ADAM28: variants seen among roughly 807,000 people sequenced by gnomAD.
The protein encoded by ADAM28 is disintegrin and metalloproteinase domain-containing protein 28.
ADAM28 carries 105 observed loss-of-function variants against 101.2 expected under a neutral mutation model. That is an observed-to-expected ratio of 1.04 (90% CI 0.89 to 1.22). The LOEUF is 1.22. Among genes scored for constraint, ADAM28 ranks in the 50% most tolerant of loss-of-function variants. The pLI, the probability that ADAM28 is intolerant of heterozygous loss-of-function variation, is 0.00. For missense variants in ADAM28, 1,028 were observed against 945.4 expected (o/e 1.09, Z -1.15); for synonymous variants, 322 against 310.6 (o/e 1.04, Z -0.39).
intron 6 of ADAM28, 82 bp downstream of exon 6, chr8:24,313,662 T>A (rs1810773394): frequency 4.2e-6 from 6 of 1,412,124 alleles, no homozygotes; most frequent in Non-Finnish European, 5.8e-6. Context: ...TTACTGAAAC[T>A]ATAGTCATTG....
intron 2 of ADAM28, among the ~76,000 whole-genome samples, chr8:24,304,789 C>A (rs977099131): frequency 1.3e-5 from 2 of 151,928 alleles, no homozygotes; most frequent in African/African-American, 4.8e-5. Context: ...TCATTGGAAA[C>A]CTCTAATCCC....
At chr8:24,295,099 C>A (rs2129224969) in intron 1 of ADAM28, among the ~76,000 whole-genome samples, 1 of 152,262 alleles carries the variant, frequency 6.6e-6, no homozygotes, top group African/African-American at 2.4e-5. Flanking sequence ...TGTCCATGCA[C>A]CCTCTTAGTA....
rs189916992 is a variant in ADAM28, at chr8:24,350,845, G to A, written c.2100-387G>A. Among the ~76,000 whole-genome samples the A allele has an allele frequency of 4.0e-3, 575 of 142,894 alleles. 3 individuals are homozygous for A. The highest frequency in any genetic ancestry group is 0.014 in the African/African-American group (531 of 38,292). The allele number at this position is 142,894 out of a possible 152,430, so 93.7% of individuals were successfully genotyped here. A position where few individuals can be genotyped will look rare whatever the true frequency, so the allele number is the denominator to read the frequency against. ...TGGAGGCTGGGTTTGTCTCACGAAC[G>A]TGATTCTGGCACAACGGTGTTTTTT... On this transcript the variant is annotated intron_variant, in intron 19 of 22. Transcript: ENST00000265769.
intron 16 of ADAM28, among the ~76,000 whole-genome samples, chr8:24,342,199 C>A (rs1433212832): frequency 3.3e-5 from 5 of 152,042 alleles, no homozygotes; most frequent in Admixed American, 3.3e-4. Flanking sequence ...TTAGCCAGGG[C>A]CAATCAATTC....
intron 14 of ADAM28, 121 bp from the exon 15 acceptor site, chr8:24,339,345 G>T: frequency 1.4e-6 from 1 of 715,374 alleles, no homozygotes; most frequent in African/African-American, 1.8e-5. Flanking sequence ...TATTTTTCTT[G>T]CTTGTTTTAT....
intron 2 of ADAM28, among the ~76,000 whole-genome samples, chr8:24,306,387 T>TAAAAA (rs560111414): frequency 4.1e-5 from 5 of 123,356 alleles, no homozygotes; most frequent in African/African-American, 1.6e-4. Context: ...TATATATATT[T>TAAAAA]AAAAATATAT....
At chr8:24,324,540 A>G (rs1335817379) in intron 9 of ADAM28, among the ~76,000 whole-genome samples, 1 of 152,006 alleles carries the variant, frequency 6.6e-6, no homozygotes, top group Non-Finnish European at 1.5e-5. Context: ...GGAAGCAGTA[A>G]GGATTGACTT....
At chr8:24,300,550 G>A (rs868814913) in intron 2 of ADAM28, among the ~76,000 whole-genome samples, 1 of 152,036 alleles carries the variant, frequency 6.6e-6, no homozygotes, top group Middle Eastern at 3.4e-3. Flanking sequence ...CGAGTAGCTG[G>A]GACTGCAGGC....
At chr8:24,300,321 A>G (rs546934183) in intron 2 of ADAM28, among the ~76,000 whole-genome samples, 1 of 152,212 alleles carries the variant, frequency 6.6e-6, no homozygotes, top group Admixed American at 6.5e-5. Flanking sequence ...AATCTTCACT[A>G]TAACCCAAAG....
rs927298430 is a variant in ADAM28, at chr8:24,356,315, T to G, written c.*1911T>G. ...TTAAATATCTGTCCCCAGTAATAGA[T>G]TCACCTAATCCTTTTTTATACTGAT... On this transcript the variant is annotated 3_prime_UTR_variant, in exon 23 of 23. Transcript: ENST00000265769. 2.6e-5 allele frequency: 4 copies of G among 152,146 alleles called. No homozygotes were observed. Among genetic ancestry groups the G allele is most frequent in the Non-Finnish European group, 5.9e-5 (4 of 68,028 alleles). The allele number at this position is 152,146 out of a possible 1,614,324, so 9.4% of individuals were successfully genotyped here.
At position 24,343,177 on chromosome 8, in the gene ADAM28, A is replaced by ATGCTGTAAGTTCT; in HGVS notation, c.1908_1911+9dup. 1.2e-6 allele frequency: 2 copies of ATGCTGTAAGTTCT among 1,613,662 alleles called. No individual in the cohort carries two copies. Among genetic ancestry groups the ATGCTGTAAGTTCT allele is most frequent in the Non-Finnish European group, 1.7e-6 (2 of 1,179,634 alleles). On this transcript the variant is annotated frameshift_variant, in exon 17 of 23. Transcript: ENST00000265769. LOFTEE classifies it high-confidence loss of function. The stretch of plus-strand genomic sequence containing the variant: ...AATTGCTCATCTAAGTGCAAAGGAC[A>ATGCTGTAAGTTCT]TGCTGTAAGTTCTGAAAATATGTTT...
intron 14 of ADAM28, among the ~76,000 whole-genome samples, chr8:24,338,618 C>T (rs746551562): frequency 6.6e-6 from 1 of 152,128 alleles, no homozygotes; most frequent in African/African-American, 2.4e-5. Context: ...CACATTGAAA[C>T]ATGAAATTCG....
intron 22 of ADAM28, 88 bp downstream of exon 22, chr8:24,353,920 A>G (rs1002905308): frequency 4.4e-6 from 4 of 915,974 alleles, no homozygotes; most frequent in South Asian, 3.5e-5. Flanking sequence ...TTAGAAAAAA[A>G]CTTACTAAGA....
intron 15 of ADAM28, 23 bp from the exon 16 acceptor site, chr8:24,341,575 A>G (rs879176604): frequency 2.5e-6 from 4 of 1,606,514 alleles, no homozygotes; most frequent in South Asian, 2.2e-5. Flanking sequence ...GAATCCTGCA[A>G]TACATTTTGG....
At chr8:24,308,698 A>G (rs1368752564) in intron 2 of ADAM28, 1 of 456,206 alleles carries the variant, frequency 2.2e-6, no homozygotes. Flanking sequence ...CTAGGCCCAC[A>G]TTTGGGGGAA....
At chr8:24,304,659 G>T (rs1277248135) in intron 2 of ADAM28, among the ~76,000 whole-genome samples, 1 of 151,952 alleles carries the variant, frequency 6.6e-6, no homozygotes, top group South Asian at 2.1e-4. Flanking sequence ...TGAGGTCAGG[G>T]GTTCAAGACC....
chr8:24,349,556 G>T (rs1815818053), intron 18 of ADAM28, among the ~76,000 whole-genome samples: 1 of 152,020 alleles, frequency 6.6e-6, no homozygotes, highest in South Asian at 2.1e-4. Context: ...CTTCCTTACT[G>T]TATATTCTCT....
intron 13 of ADAM28, among the ~76,000 whole-genome samples, chr8:24,333,557 C>T (rs979446699): frequency 2.0e-5 from 3 of 152,070 alleles, no homozygotes; most frequent in Admixed American, 1.3e-4. Context: ...GTAGGATAAC[C>T]CCAAGTGTGA....
rs1480505337 is a variant in ADAM28 at position 24,309,836 on chromosome 8, TATA to T, written c.151-54_151-52del. The T allele has an allele frequency of 2.9e-5, 37 of 1,266,658 alleles. No homozygotes were observed. In the African/African-American group the frequency reaches 4.2e-4, roughly 14 times the overall value. 78.5% of individuals were successfully genotyped at this position (1,266,658 alleles called of 1,614,324 possible). Reference sequence around the variant, plus strand: ...TTGCTAATGACTACACAGATAGAAATATAATAGTCAAATGAATATGTTTTTAAT... The same window carrying T: ...TTGCTAATGACTACACAGATAGAAATATAGTCAAATGAATATGTTTTTAAT... On this transcript the variant is annotated intron_variant, in intron 2 of 22. Coordinates refer to ENST00000265769, the MANE Select transcript of ADAM28 (RefSeq NM_014265.6).
Sources: allele counts gnomAD v4.1 joint callset (sites outside exome capture counted in the v4.1 genomes callset), GRCh38; gene constraint gnomAD v4.1.1; transcripts MANE v1.5; gene names NCBI Gene and HGNC (gene_info 2026-07-23, HGNC 2026-07-21).